RBFOX1: variants seen among roughly 807,000 people sequenced by gnomAD.
RBFOX1 encodes the protein RNA binding fox-1 homolog 1.
Under a neutral mutation model 57.7 loss-of-function variants are expected in RBFOX1, and 8 were observed. That is an observed-to-expected ratio of 0.14 (90% CI 0.08 to 0.25). The LOEUF is 0.25. RBFOX1 is among the 10% of genes least tolerant of loss of function. RBFOX1 has a pLI of 1.00. For missense variants in RBFOX1, 611 were observed against 548.5 expected (o/e 1.11, Z -1.14); for synonymous variants, 326 against 222.4 (o/e 1.47, Z -4.15).
chr16:5,706,662 C>G (rs891249878), intron 3 of RBFOX1, among the ~76,000 whole-genome samples: 2 of 152,128 alleles, frequency 1.3e-5, no homozygotes, highest in African/African-American at 2.4e-5. Context: ...AATAACGTTG[C>G]AATTCCAATA....
intron 4 of RBFOX1, among the ~76,000 whole-genome samples, chr16:7,414,706 C>T (rs551331680): frequency 2.5e-4 from 38 of 152,190 alleles, no homozygotes; most frequent in Non-Finnish European, 4.8e-4. Context: ...CAACCTCCGC[C>T]TCCCGGGTTC....
intron 3 of RBFOX1, among the ~76,000 whole-genome samples, chr16:6,771,630 A>G (rs766115507): frequency 3.3e-5 from 5 of 152,294 alleles, no homozygotes; most frequent in East Asian, 3.9e-4. Flanking sequence ...ACTGTGGACA[A>G]TTTTGCTCCT....
At chr16:5,397,372 C>G (rs765267978) in intron 1 of RBFOX1, among the ~76,000 whole-genome samples, 22 of 152,194 alleles carry the variant, frequency 1.4e-4, no homozygotes, top group Non-Finnish European at 2.8e-4. Flanking sequence ...TCAGCATTTA[C>G]TAGAACAGGA....
intron 4 of RBFOX1, among the ~76,000 whole-genome samples, chr16:5,896,922 T>C (rs950697094): frequency 1.3e-5 from 2 of 151,964 alleles, no homozygotes; most frequent in Admixed American, 6.6e-5. Flanking sequence ...CTCTCACCTT[T>C]GTCTCTCCAA....
At chr16:6,814,728 A>C (rs530033552) in intron 3 of RBFOX1, among the ~76,000 whole-genome samples, 17 of 152,188 alleles carry the variant, frequency 1.1e-4, no homozygotes, top group African/African-American at 4.1e-4. Context: ...TGAAGTGAAA[A>C]GTCCTTCAGT....
rs556078139 is a variant in RBFOX1 at position 6,600,246 on chromosome 16, C to G, written c.-63-54357C>G. On this transcript the variant is annotated intron_variant, in intron 2 of 15. Coordinates refer to ENST00000550418, the MANE Select transcript of RBFOX1 (RefSeq NM_018723.4). The stretch of plus-strand genomic sequence containing the variant: ...GCTGATGAACACGAAATCCACCAGA[C>G]AGAATCTCGGGGCTTTTGTTCTCAG... 1.2e-4 allele frequency among the ~76,000 whole-genome samples: 18 copies of G among 152,240 alleles called. No individual in the cohort carries two copies. The South Asian group carries it at 1.9e-3, about 16-fold the overall frequency.
intron 2 of RBFOX1, among the ~76,000 whole-genome samples, chr16:5,551,262 A>C (rs1234846211): frequency 6.6e-6 from 1 of 152,128 alleles, no homozygotes; most frequent in Non-Finnish European, 1.5e-5. Flanking sequence ...ACCAGGGGCT[A>C]TTTGTACTAT....
chr16:5,273,610 G>A (rs1229034398), intron 1 of RBFOX1, among the ~76,000 whole-genome samples: 1 of 152,176 alleles, frequency 6.6e-6, no homozygotes, highest in Non-Finnish European at 1.5e-5. Context: ...TGAGAAGCGG[G>A]GGAGTGGTGG....
At chr16:6,896,235 T>C (rs1472600736) in intron 3 of RBFOX1, among the ~76,000 whole-genome samples, 3 of 152,226 alleles carry the variant, frequency 2.0e-5, no homozygotes, top group African/African-American at 7.2e-5. Flanking sequence ...ATCATGCCAC[T>C]GCACTGTGCA....
intron 2 of RBFOX1, among the ~76,000 whole-genome samples, chr16:6,509,842 A>T (rs1057385949): frequency 6.6e-6 from 1 of 152,242 alleles, no homozygotes; most frequent in Non-Finnish European, 1.5e-5. Flanking sequence ...CATGAAAAAT[A>T]TAAAATTTTC....
rs1462661636 is a variant in RBFOX1 at position 5,788,788 on chromosome 16, A to G, written c.319-78515A>G. Reference sequence around the variant, plus strand: ...TCCCGAGAGTGACGTTGTCAGTGACAGGCACATGCTTTTCTACCCACCTCC... The same window carrying G: ...TCCCGAGAGTGACGTTGTCAGTGACGGGCACATGCTTTTCTACCCACCTCC... On this transcript the variant is annotated intron_variant, in intron 3 of 19. Transcript: ENST00000641259. Among the ~76,000 whole-genome samples, 3 of 152,256 alleles carry G rather than the reference A, an allele frequency of 2.0e-5. No individual in the cohort carries two copies. In the East Asian group the frequency reaches 5.8e-4, roughly 29 times the overall value.
downstream of RBFOX1, among the ~76,000 whole-genome samples, chr16:5,603,104 G>A (rs562890848): frequency 6.6e-6 from 1 of 152,300 alleles, no homozygotes; most frequent in East Asian, 1.9e-4. Context: ...TGTGGCACCA[G>A]TCAGCTCTAC....
At chr16:7,527,760 A>C (rs2079027418) in intron 5 of RBFOX1, among the ~76,000 whole-genome samples, 1 of 152,146 alleles carries the variant, frequency 6.6e-6, no homozygotes, top group South Asian at 2.1e-4. Context: ...CACATAGTAA[A>C]CATTCTACCA....
In RBFOX1 at chr16:6,150,229, G is replaced by T. The variant is rs531007388; in HGVS notation, c.-127+130237G>T. 5.9e-5 allele frequency among the ~76,000 whole-genome samples: 9 copies of T among 152,284 alleles called. No homozygotes were observed. In the East Asian group the frequency reaches 1.7e-3, roughly 29 times the overall value. Reference sequence around the variant, plus strand: ...GGTTGAAGAGAGGATCTTGAGATCTGTGTGCACCTGAGGTCCTCAATTTTG... The same window carrying T: ...GGTTGAAGAGAGGATCTTGAGATCTTTGTGCACCTGAGGTCCTCAATTTTG... On this transcript the variant is annotated intron_variant, in intron 1 of 15. Transcript: ENST00000550418.
chr16:7,452,993 G>T (rs1211598368), intron 4 of RBFOX1, among the ~76,000 whole-genome samples: 3 of 152,002 alleles, frequency 2.0e-5, no homozygotes, highest in Non-Finnish European at 4.4e-5. Context: ...GCAGGGCATG[G>T]TGGTGCATGC....
chr16:5,723,863 C>T (rs953076729), intron 3 of RBFOX1, among the ~76,000 whole-genome samples: 2 of 152,224 alleles, frequency 1.3e-5, no homozygotes, highest in African/African-American at 4.8e-5. Context: ...CATTGTTTTC[C>T]TTACAGCAAA....
chr16:5,364,070 C>T (rs141462985), intron 1 of RBFOX1, among the ~76,000 whole-genome samples: 7 of 152,324 alleles, frequency 4.6e-5, no homozygotes, highest in South Asian at 2.1e-4. Flanking sequence ...CGCTGGATAT[C>T]AGAAGCAGAA....
intron 2 of RBFOX1, among the ~76,000 whole-genome samples, chr16:6,330,783 G>A (rs1287706393): frequency 1.3e-5 from 2 of 152,194 alleles, no homozygotes; most frequent in African/African-American, 4.8e-5. Context: ...ACACACCAGC[G>A]TGTGATAAGA....
intron 2 of RBFOX1, among the ~76,000 whole-genome samples, chr16:5,528,049 C>G (rs1357282811): frequency 6.6e-6 from 1 of 152,134 alleles, no homozygotes; most frequent in African/African-American, 2.4e-5. Flanking sequence ...GCTCAACATT[C>G]AAACACCTAT....
Sources: allele counts gnomAD v4.1 joint callset (sites outside exome capture counted in the v4.1 genomes callset), GRCh38; gene constraint gnomAD v4.1.1; transcripts MANE v1.5; gene names NCBI Gene and HGNC (gene_info 2026-07-23, HGNC 2026-07-21).